COL25A1: variants seen among roughly 807,000 people sequenced by gnomAD.
COL25A1 encodes the protein collagen type XXV alpha 1 chain.
Under a neutral mutation model 128.4 loss-of-function variants are expected in COL25A1, and 103 were observed. The observed-to-expected ratio is 0.80, with a 90% CI of 0.68 to 0.94. The LOEUF (loss-of-function observed/expected upper bound fraction) is 0.94. Ranked by LOEUF, COL25A1 falls within the 40% of genes least tolerant of loss-of-function variation. The pLI is 0.00. For missense variants in COL25A1, 745 were observed against 840.0 expected, an observed-to-expected ratio of 0.89 and a Z score of 1.40; for synonymous variants, 279 against 277.2, an observed-to-expected ratio of 1.01 and a Z score of -0.06.
At chr4:109,001,387 C>CTGTCAGGTAGGCATCTGAGATCG (rs1755367587) in intron 6 of COL25A1, among the ~76,000 whole-genome samples, 2 of 152,184 alleles carry the variant, frequency 1.3e-5, no homozygotes, top group African/African-American at 2.4e-5. Context: ...ATCTGAGATC[C>CTGTCAGGTAGGCATCTGAGATCG]TGTCAGGTAG....
chr4:109,183,923 C>CA (rs34164987), intron 3 of COL25A1, among the ~76,000 whole-genome samples: 10,680 of 105,406 alleles, frequency 0.1, 749 homozygotes, highest in African/African-American at 0.21. Flanking sequence ...ACACCAACTT[C>CA]AAAAAAAAAA....
In COL25A1 at chr4:108,923,046, T is replaced by C. The variant is rs76253232; in HGVS notation, c.709-2442A>G. On this transcript the variant is annotated intron_variant, in intron 11 of 37. Transcript: ENST00000399132. Reference sequence around the variant, plus strand: ...AGACACACACACACACGTGTGCGCATGCATGCACACATCCAGAAATACCAG... The same window carrying C: ...AGACACACACACACACGTGTGCGCACGCATGCACACATCCAGAAATACCAG... Among the ~76,000 whole-genome samples the C allele has an allele frequency of 1.9e-3, 282 of 152,278 alleles. 1 individual carries two copies. The highest frequency in any genetic ancestry group is 2.9e-3 in the Non-Finnish European group (197 of 68,028).
chr4:109,056,248 A>G (rs1401426673), intron 3 of COL25A1, among the ~76,000 whole-genome samples: 1 of 152,104 alleles, frequency 6.6e-6, no homozygotes, highest in African/African-American at 2.4e-5. Context: ...TTTAACTAAT[A>G]CATGTATTTA....
At chr4:109,191,847 T>C (rs1337363189) in intron 3 of COL25A1, among the ~76,000 whole-genome samples, 1 of 152,210 alleles carries the variant, frequency 6.6e-6, no homozygotes, top group African/African-American at 2.4e-5. Context: ...AAACACAAGA[T>C]TCAATCTCTA....
chr4:108,989,333 T>A (rs1578999557), intron 6 of COL25A1, among the ~76,000 whole-genome samples: 1 of 152,238 alleles, frequency 6.6e-6, no homozygotes, highest in South Asian at 2.1e-4. Flanking sequence ...AGTAGTAATG[T>A]TTCCTTCACA....
intron 3 of COL25A1, among the ~76,000 whole-genome samples, chr4:109,233,703 T>C (rs1026551407): frequency 6.6e-6 from 1 of 152,132 alleles, no homozygotes; most frequent in Admixed American, 6.6e-5. Context: ...TTGTGAAGAA[T>C]GACTAATAAA....
At chr4:108,980,112 C>T (rs963319020) in intron 6 of COL25A1, among the ~76,000 whole-genome samples, 7 of 152,198 alleles carry the variant, frequency 4.6e-5, no homozygotes, top group Admixed American at 4.6e-4. Flanking sequence ...GTTAACCACA[C>T]TCAGGCGTTT....
intron 6 of COL25A1, among the ~76,000 whole-genome samples, chr4:108,992,656 A>C (rs955333237): frequency 2.0e-5 from 3 of 152,210 alleles, no homozygotes; most frequent in African/African-American, 7.2e-5. Flanking sequence ...ATGTAAATAA[A>C]CTACCATAAT....
At chr4:108,876,351 T>C (rs1229105625) in intron 19 of COL25A1, among the ~76,000 whole-genome samples, 1 of 151,826 alleles carries the variant, frequency 6.6e-6, no homozygotes, top group Non-Finnish European at 1.5e-5. Flanking sequence ...AGAGAAATAA[T>C]AGAGAGGAAC....
At chr4:108,820,280 C>T (rs1414728647) in intron 35 of COL25A1, among the ~76,000 whole-genome samples, 4 of 152,186 alleles carry the variant, frequency 2.6e-5, no homozygotes, top group Non-Finnish European at 5.9e-5. Flanking sequence ...ATGGATACTT[C>T]ACTCAATTTT....
At chr4:109,088,482 G>A (rs898505031) in intron 3 of COL25A1, among the ~76,000 whole-genome samples, 1 of 152,142 alleles carries the variant, frequency 6.6e-6, no homozygotes, top group Non-Finnish European at 1.5e-5. Flanking sequence ...GAGTAATACT[G>A]TACTAAAATG....
intron 3 of COL25A1, among the ~76,000 whole-genome samples, chr4:109,079,328 T>C (rs1461130474): frequency 2.0e-5 from 3 of 152,350 alleles, no homozygotes; most frequent in Middle Eastern, 3.4e-3. Flanking sequence ...TTACCATTAA[T>C]CAATCCAGTT....
intron 3 of COL25A1, among the ~76,000 whole-genome samples, chr4:109,286,726 G>C (rs1412682658): frequency 3.3e-5 from 5 of 152,104 alleles, no homozygotes; most frequent in African/African-American, 9.7e-5. Flanking sequence ...CCAAAATAAA[G>C]AAGTAACCAA....
chr4:109,278,462 T>C (rs909004496), intron 3 of COL25A1, among the ~76,000 whole-genome samples: 26 of 152,370 alleles, frequency 1.7e-4, no homozygotes, highest in African/African-American at 6.3e-4. Flanking sequence ...ATGTTTTATA[T>C]GTTTTTCCTA....
intron 8 of COL25A1, among the ~76,000 whole-genome samples, chr4:108,960,607 G>C (rs17597756): frequency 0.28 from 42,812 of 151,998 alleles, 7,058 homozygotes; most frequent in South Asian, 0.46. Context: ...GACTACGTTA[G>C]AGCCCCCTTT....
intron 35 of COL25A1, 191 bp downstream of exon 35, chr4:108,823,983 G>A: frequency 2.0e-6 from 3 of 1,528,250 alleles, no homozygotes; most frequent in Non-Finnish European, 2.6e-6. Flanking sequence ...GCCAGGCAGT[G>A]CCCTTATATC....
chr4:109,145,163 G>A (rs1174478998), intron 3 of COL25A1, among the ~76,000 whole-genome samples: 2 of 150,666 alleles, frequency 1.3e-5, no homozygotes, highest in Admixed American at 6.6e-5. Flanking sequence ...TGCCTCCTGG[G>A]TTCACGCCAT....
intron 33 of COL25A1, among the ~76,000 whole-genome samples, chr4:108,825,642 C>G (rs1732285420): frequency 6.6e-6 from 1 of 152,028 alleles, no homozygotes; most frequent in Admixed American, 6.6e-5. Flanking sequence ...AAGTTAAAAG[C>G]AAAAATACTG....
rs558446435 is a variant in COL25A1, at chr4:109,238,935, G to T, written c.367+61648C>A. ...TCCTGCATGCAGACTGGTGGGGGTAGGAGAGTAGAGGTAGCCACTTTCTGG... is the reference window on the plus strand; with the variant it reads ...TCCTGCATGCAGACTGGTGGGGGTATGAGAGTAGAGGTAGCCACTTTCTGG... On this transcript the variant is annotated intron_variant, in intron 3 of 37. Coordinates refer to ENST00000399132, the MANE Select transcript of COL25A1 (RefSeq NM_198721.4). Among the ~76,000 whole-genome samples the T allele has an allele frequency of 6.6e-5, 10 of 152,106 alleles. No homozygotes were observed. In the East Asian group the frequency reaches 1.9e-3, roughly 29 times the overall value.
Sources: allele counts gnomAD v4.1 joint callset (sites outside exome capture counted in the v4.1 genomes callset), GRCh38; gene constraint gnomAD v4.1.1; transcripts MANE v1.5; gene names NCBI Gene and HGNC (gene_info 2026-07-23, HGNC 2026-07-21).